Variants in SESN3 observed in about 807,000 individuals in gnomAD.
SESN3 encodes sestrin 3.
Under a neutral mutation model 55.3 loss-of-function variants are expected in SESN3, and 21 were observed. The ratio of observed to expected loss-of-function variants is 0.38; its 90% CI spans 0.27 to 0.55. The LOEUF (loss-of-function observed/expected upper bound fraction) is 0.55, where lower values mean the gene tolerates loss of function less well. SESN3 is among the 20% of genes least tolerant of loss of function. The pLI, the probability that SESN3 is intolerant of heterozygous loss-of-function variation, is 0.76. For synonymous variants in SESN3, 181 were observed against 203.1 expected, an observed-to-expected ratio of 0.89 and a Z score of 0.93; for missense variants, 408 against 604.3, an observed-to-expected ratio of 0.68 and a Z score of 3.41.
Position 95,230,113 on chromosome 11 carries a change from A to C in SESN3, c.78+670T>G, listed in dbSNP as rs1422215556. 1 of 148,998 alleles carries C rather than the reference A, an allele frequency of 6.7e-6. No homozygotes were observed. Among genetic ancestry groups the C allele is most frequent in the Admixed American group, 6.7e-5 (1 of 14,834 alleles). The allele number at this position is 148,998 out of a possible 1,614,324, so 9.2% of individuals were successfully genotyped here. ...ACACGGGGGCAGGGGGGTGCTAAGG[A>C]GGAATAACCCACATCCACCTCAGTC... On this transcript the variant is annotated intron_variant, in intron 1 of 9. Transcript: ENST00000536441. This position sits in a 1 kb window ranked among gnomAD's most constrained non-coding sequence, Gnocchi z 4.6.
At chr11:95,210,573 T>C (rs1471225547) in intron 1 of SESN3, among the ~76,000 whole-genome samples, 3 of 152,202 alleles carry the variant, frequency 2.0e-5, no homozygotes, top group Admixed American at 1.3e-4. Context: ...TGTATCCTAA[T>C]ACACAAAATT....
At chr11:95,183,186 GT>G (rs1860087990) in intron 6 of SESN3, among the ~76,000 whole-genome samples, 1 of 152,126 alleles carries the variant, frequency 6.6e-6, no homozygotes, top group Non-Finnish European at 1.5e-5. Context: ...CTCAGTAAGT[GT>G]TTGCAGAGTG....
intron 1 of SESN3, among the ~76,000 whole-genome samples, chr11:95,223,745 C>G (rs1452464896): frequency 9.9e-5 from 15 of 151,740 alleles, no homozygotes. Context: ...ATACTGGCAT[C>G]AGTAGTAACT....
chr11:95,218,020 TCA>T (rs1222652850), intron 1 of SESN3, among the ~76,000 whole-genome samples: 3 of 152,176 alleles, frequency 2.0e-5, no homozygotes, highest in Admixed American at 6.5e-5. Context: ...ACACCAACAC[TCA>T]CATATTCCTG....
At chr11:95,181,413 T>C (rs1024742510) in intron 6 of SESN3, among the ~76,000 whole-genome samples, 1 of 152,140 alleles carries the variant, frequency 6.6e-6, no homozygotes, top group Non-Finnish European at 1.5e-5. Flanking sequence ...AAATACTTTT[T>C]TCCTAAATTT....
At chr11:95,177,560 A>G (rs1231109084) in intron 8 of SESN3, among the ~76,000 whole-genome samples, 159 bp downstream of exon 8, 5 of 152,194 alleles carry the variant, frequency 3.3e-5, no homozygotes, top group Admixed American at 2.0e-4. Flanking sequence ...ACACTTAAAG[A>G]AAAATGCTTC....
At chr11:95,188,301 T>C (rs1475967036) in intron 4 of SESN3, among the ~76,000 whole-genome samples, 2 of 151,638 alleles carry the variant, frequency 1.3e-5, no homozygotes, top group Admixed American at 6.6e-5. Flanking sequence ...AATATTTATA[T>C]ATGTGTACCG....
At chr11:95,173,862 T>C (rs1219837808) in intron 9 of SESN3, among the ~76,000 whole-genome samples, 2 of 152,150 alleles carry the variant, frequency 1.3e-5, no homozygotes, top group Non-Finnish European at 2.9e-5. Flanking sequence ...GATAAAATTC[T>C]GCAGAACATT....
chr11:95,185,231 A>G, intron 5 of SESN3, 25 bp downstream of exon 5: 1 of 1,416,850 alleles, frequency 7.1e-7, no homozygotes, highest in South Asian at 1.2e-5. Flanking sequence ...AAAAATAGTA[A>G]AGAAAAATAG....
At chr11:95,174,220 G>C (rs1859911007) in intron 9 of SESN3, among the ~76,000 whole-genome samples, 1 of 152,154 alleles carries the variant, frequency 6.6e-6, no homozygotes, top group Non-Finnish European at 1.5e-5. Flanking sequence ...ATTAGCGAAT[G>C]TTTCCTAAAA....
At chr11:95,210,090 C>T (rs536750850) in intron 1 of SESN3, among the ~76,000 whole-genome samples, 2 of 150,426 alleles carry the variant, frequency 1.3e-5, no homozygotes, top group South Asian at 4.2e-4. Context: ...AGCTGGAAAC[C>T]ATCATTCTCA....
chr11:95,211,134 G>A (rs991042167), intron 1 of SESN3, among the ~76,000 whole-genome samples: 13 of 152,184 alleles, frequency 8.5e-5, no homozygotes, highest in African/African-American at 2.9e-4. Flanking sequence ...ATGCAATCAT[G>A]TAAACAAGCC....
chr11:95,221,256 A>G (rs964621939), intron 1 of SESN3, among the ~76,000 whole-genome samples: 34 of 152,050 alleles, frequency 2.2e-4, no homozygotes, highest in Admixed American at 1.4e-3. Context: ...CTGAGCCAAG[A>G]TGGCGCCACT....
intron 1 of SESN3, among the ~76,000 whole-genome samples, chr11:95,218,121 G>C (rs1462306105): frequency 6.6e-6 from 1 of 152,216 alleles, no homozygotes; most frequent in Non-Finnish European, 1.5e-5. Flanking sequence ...GCTAATGTTG[G>C]TTGGGGAAGG....
chr11:95,232,037 T>G (rs1485823356), upstream of SESN3: 1 of 152,232 alleles, frequency 6.6e-6, no homozygotes, highest in East Asian at 1.9e-4. Flanking sequence ...AGGGGCTTGT[T>G]TTCTCACCCA....
chr11:95,216,110 G>A (rs11021080), intron 1 of SESN3, among the ~76,000 whole-genome samples: 3,686 of 118,146 alleles, frequency 0.031, 3 homozygotes, highest in Middle Eastern at 0.048. Flanking sequence ...AAAAAAAAAA[G>A]AAAAAAAAAA....
intron 3 of SESN3, 99 bp downstream of exon 3, chr11:95,191,305 A>T: frequency 3.3e-6 from 3 of 896,070 alleles, no homozygotes; most frequent in Non-Finnish European, 5.5e-6. Context: ...CATAAATTAT[A>T]CTTAGCTCTA....
intron 7 of SESN3, among the ~76,000 whole-genome samples, 183 bp from the exon 8 acceptor site, chr11:95,178,092 GTT>G (rs889387403): frequency 2.6e-5 from 4 of 152,112 alleles, no homozygotes; most frequent in Non-Finnish European, 5.9e-5. Flanking sequence ...GTGTCTGGAT[GTT>G]TCTTCATGGG....
Position 95,230,890 on chromosome 11 carries a change from G to A in SESN3, c.-30C>T. The A allele has an allele frequency of 6.6e-7, 1 of 1,515,328 alleles. No homozygotes were observed. The highest frequency in any genetic ancestry group is 8.8e-7 in the Non-Finnish European group (1 of 1,134,852). 93.9% of individuals were successfully genotyped at this position (1,515,328 alleles called of 1,614,324 possible). A position where few individuals can be genotyped will look rare whatever the true frequency, so the allele number is the denominator to read the frequency against. On this transcript the variant is annotated 5_prime_UTR_variant, in exon 1 of 10. Transcript: ENST00000536441. This position sits in a 1 kb window ranked among gnomAD's most constrained non-coding sequence, Gnocchi z 4.6. Reference sequence around the variant, plus strand: ...GCTGCGGGCGCCGAGGCGAGAGCGGGCGGAGGGCCGGGTCCGGGCTGTCAC... The same window carrying A: ...GCTGCGGGCGCCGAGGCGAGAGCGGACGGAGGGCCGGGTCCGGGCTGTCAC...
Sources: allele counts gnomAD v4.1 joint callset (sites outside exome capture counted in the v4.1 genomes callset), GRCh38; gene constraint gnomAD v4.1.1; non-coding constraint Gnocchi (gnomAD v3.1); transcripts MANE v1.5; gene names NCBI Gene and HGNC (gene_info 2026-07-23, HGNC 2026-07-21).